The following SHANK2 variants were observed in gnomAD, a reference collection of about 807,000 sequenced individuals.
SHANK2 encodes SH3 and multiple ankyrin repeat domains 2, also known as SH3 and multiple ankyrin repeat domains protein 2.
SHANK2 carries 43 observed loss-of-function variants against 133.7 expected under a neutral mutation model. The ratio of observed to expected loss-of-function variants is 0.32; its 90% CI spans 0.25 to 0.41. The LOEUF is 0.41. Ranked by LOEUF, SHANK2 falls within the 10% of genes least tolerant of loss-of-function variation. SHANK2 has a pLI of 1.00. For synonymous variants in SHANK2, 1,017 were observed against 952.8 expected (o/e 1.07, Z -1.24); for missense variants, 1,994 against 2,235.8 (o/e 0.89, Z 2.18).
At chr11:71,151,346 A>G (rs1282560465) in intron 2 of SHANK2, among the ~76,000 whole-genome samples, 4 of 152,088 alleles carry the variant, frequency 2.6e-5, no homozygotes, top group Non-Finnish European at 5.9e-5. Flanking sequence ...GTGTGGGAAG[A>G]GCCTGCCGGG....
intron 17 of SHANK2, among the ~76,000 whole-genome samples, chr11:70,581,028 A>T (rs530963944): frequency 6.6e-6 from 1 of 152,304 alleles, no homozygotes; most frequent in South Asian, 2.1e-4. Flanking sequence ...CGTCACTGCG[A>T]GGCCTTCTGA....
intron 14 of SHANK2, among the ~76,000 whole-genome samples, chr11:70,779,939 G>C (rs1947446179): frequency 2.2e-5 from 2 of 91,712 alleles, no homozygotes; most frequent in African/African-American, 6.3e-5. Context: ...ACATCATTCA[G>C]GTCGGTCCCA....
At chr11:70,543,193 A>C (rs1459233863) in intron 17 of SHANK2, among the ~76,000 whole-genome samples, 1 of 152,192 alleles carries the variant, frequency 6.6e-6, no homozygotes, top group Non-Finnish European at 1.5e-5. Context: ...AGCCACACAC[A>C]GTCTGCGTTG....
rs578014911 is a variant in SHANK2 at position 70,806,810 on chromosome 11, A to C, written c.1663+192T>G. Among the ~76,000 whole-genome samples, 210 of 152,344 alleles carry C rather than the reference A, an allele frequency of 1.4e-3. 3 individuals carry two copies. Among genetic ancestry groups the C allele is most frequent in the African/African-American group, 4.8e-3 (200 of 41,594 alleles). ...CGATCCCTGAGACCCAGCACTGGGG[A>C]AGCCGCAGCAGCTCCCTGGAGAGTG... On this transcript the variant is annotated intron_variant, in intron 13 of 25. Transcript: ENST00000601538.
At chr11:71,085,560 TATATA>T (rs1338603471) in intron 8 of SHANK2, among the ~76,000 whole-genome samples, 1 of 59,990 alleles carries the variant, frequency 1.7e-5, no homozygotes, top group African/African-American at 5.8e-5. Flanking sequence ...CATATTATAT[TATATA>T]AAATATATAT....
At chr11:70,845,357 C>T (rs782371672) in intron 11 of SHANK2, among the ~76,000 whole-genome samples, 22 of 152,240 alleles carry the variant, frequency 1.4e-4, no homozygotes, top group African/African-American at 5.3e-4. Flanking sequence ...CATAATTTCA[C>T]GCTGAAGGAC....
At chr11:70,837,359 G>A (rs782474946) in intron 11 of SHANK2, among the ~76,000 whole-genome samples, 1 of 152,120 alleles carries the variant, frequency 6.6e-6, no homozygotes, top group African/African-American at 2.4e-5. Flanking sequence ...TGCCCCTGCT[G>A]TGCCTACCCT....
At chr11:71,101,518 T>C (rs1179300591) in intron 6 of SHANK2, among the ~76,000 whole-genome samples, 1 of 152,228 alleles carries the variant, frequency 6.6e-6, no homozygotes, top group African/African-American at 2.4e-5. Context: ...GCTCCTTCAT[T>C]GGCACTGGGT....
At chr11:70,950,443 A>T (rs1296917149) in intron 10 of SHANK2, among the ~76,000 whole-genome samples, 1 of 152,008 alleles carries the variant, frequency 6.6e-6, no homozygotes, top group African/African-American at 2.4e-5. Flanking sequence ...CGCCCGCTTC[A>T]GCCCCCCAAA....
chr11:70,889,206 G>A lies in SHANK2; in HGVS notation c.1174+7295C>T, dbSNP rs1044923387. Among the ~76,000 whole-genome samples the A allele has an allele frequency of 3.3e-5, 5 of 152,224 alleles. No homozygotes were observed. The South Asian group carries it at 8.3e-4, about 25-fold the overall frequency. ...AATTCAGAGACTGGAGTCCGTATAA[G>A]GGAAAGGAGTAGGACCTCTGAGATA... On this transcript the variant is annotated intron_variant, in intron 11 of 25. Transcript: ENST00000601538.
chr11:70,858,378 A>G (rs1949203077), intron 11 of SHANK2, among the ~76,000 whole-genome samples: 3 of 152,238 alleles, frequency 2.0e-5, no homozygotes, highest in Admixed American at 6.5e-5. Context: ...AGCTGCAGGC[A>G]TGGCAGTGTG....
chr11:70,753,972 T>C (rs1426028868), intron 14 of SHANK2, among the ~76,000 whole-genome samples: 3 of 152,078 alleles, frequency 2.0e-5, no homozygotes, highest in Non-Finnish European at 4.4e-5. Flanking sequence ...CCACCATGCC[T>C]GACTAATTTT....
intron 3 of SHANK2, among the ~76,000 whole-genome samples, chr11:71,136,899 G>A (rs1242915046): frequency 3.9e-5 from 6 of 152,192 alleles, no homozygotes; most frequent in Admixed American, 2.6e-4. Flanking sequence ...TTTTGCTCTT[G>A]TTGCCCAGGC....
chr11:71,121,162 T>C lies in SHANK2; in HGVS notation c.208-2130A>G, dbSNP rs562494646. ...TGCAACCCAGTGGGGCACACCAACC[T>C]TGATTCCTAGGGAAACCCACCCACC... On this transcript the variant is annotated intron_variant, in intron 3 of 25. Transcript: ENST00000601538. Among the ~76,000 whole-genome samples the C allele has an allele frequency of 7.2e-4, 110 of 152,300 alleles. 1 individual carries two copies. Among genetic ancestry groups the C allele is most frequent in the South Asian group, 2.1e-3 (10 of 4,822 alleles).
At chr11:71,168,561 G>A (rs1244300155) in intron 2 of SHANK2, among the ~76,000 whole-genome samples, 3 of 152,128 alleles carry the variant, frequency 2.0e-5, no homozygotes, top group South Asian at 2.1e-4. Flanking sequence ...ACGAGACTCC[G>A]TCTGCAATCC....
At chr11:71,105,645 G>T (rs1555097726) in intron 6 of SHANK2, among the ~76,000 whole-genome samples, 1 of 151,304 alleles carries the variant, frequency 6.6e-6, no homozygotes, top group African/African-American at 2.4e-5. Flanking sequence ...GGGGCTCAGG[G>T]ATGAAGAGGG....
At chr11:70,516,096 C>T (rs1554970036) in intron 17 of SHANK2, among the ~76,000 whole-genome samples, 1 of 152,150 alleles carries the variant, frequency 6.6e-6, no homozygotes, top group East Asian at 1.9e-4. Context: ...AGTTCGATCA[C>T]AGCCAATTAT....
intron 10 of SHANK2, among the ~76,000 whole-genome samples, chr11:70,898,419 G>A (rs1054549950): frequency 2.6e-5 from 4 of 152,072 alleles, no homozygotes; most frequent in Non-Finnish European, 2.9e-5. Flanking sequence ...ACTGGGTAAT[G>A]ATTACAGGCT....
chr11:70,659,751 G>C, intron 17 of SHANK2, 77 bp downstream of exon 17: 2 of 1,584,214 alleles, frequency 1.3e-6, no homozygotes, highest in African/African-American at 2.7e-5. Flanking sequence ...TCGTGGCTGT[G>C]CTGCCAGGAC....
Sources: gnomAD v4.1 joint callset for allele counts (sites outside exome capture counted in the v4.1 genomes callset) on GRCh38, gnomAD v4.1.1 for gene constraint, MANE v1.5 for transcripts, NCBI Gene and HGNC (gene_info 2026-07-23, HGNC 2026-07-21) for gene names.